The following DENND1A variants were observed in gnomAD, a reference collection of about 807,000 sequenced individuals.
The protein encoded by DENND1A is DENN domain-containing protein 1A.
Under a neutral mutation model 113.7 loss-of-function variants are expected in DENND1A, and 51 were observed. The observed-to-expected ratio is 0.45, with a 90% CI of 0.36 to 0.57. The LOEUF (loss-of-function observed/expected upper bound fraction) is 0.57. Among genes scored for constraint, DENND1A ranks in the 20% least tolerant of loss-of-function variants. DENND1A has a pLI of 0.00. For synonymous variants in DENND1A, 565 were observed against 570.8 expected, an observed-to-expected ratio of 0.99 and a Z score of 0.14; for missense variants, 1,258 against 1,395.9, an observed-to-expected ratio of 0.90 and a Z score of 1.57.
intron 5 of DENND1A, among the ~76,000 whole-genome samples, chr9:123,743,785 C>T (rs79672634): frequency 0.18 from 27,372 of 151,468 alleles, 2,758 homozygotes; most frequent in African/African-American, 0.29. Context: ...AATATATATA[C>T]CTCGTAATCT....
At chr9:123,572,920 T>C (rs1402372547) in intron 12 of DENND1A, among the ~76,000 whole-genome samples, 1 of 152,178 alleles carries the variant, frequency 6.6e-6, no homozygotes, top group Non-Finnish European at 1.5e-5. Context: ...CATTTGATTG[T>C]TTTTGCTTCT....
At chr9:123,804,466 C>G (rs1252506086) in intron 2 of DENND1A, among the ~76,000 whole-genome samples, 1 of 152,208 alleles carries the variant, frequency 6.6e-6, no homozygotes, top group African/African-American at 2.4e-5. Context: ...TTGCTGATCT[C>G]TCCCTATTGA....
intron 18 of DENND1A, 49 bp downstream of exon 18, chr9:123,450,644 T>C (rs1344035282): frequency 6.6e-7 from 1 of 1,525,008 alleles, no homozygotes; most frequent in South Asian, 1.2e-5. Context: ...TTTGTGGCCA[T>C]GCATTTCATA....
chr9:123,444,001 T>C (rs1588558189), intron 18 of DENND1A, among the ~76,000 whole-genome samples: 1 of 152,088 alleles, frequency 6.6e-6, no homozygotes, highest in East Asian at 1.9e-4. Context: ...CTGTTCTATC[T>C]CCTGGTAGAG....
chr9:123,866,741 T>G (rs1455431702), intron 2 of DENND1A, among the ~76,000 whole-genome samples: 1 of 152,194 alleles, frequency 6.6e-6, no homozygotes, highest in Non-Finnish European at 1.5e-5. Context: ...ATCTCTAATT[T>G]ACAAAACAAC....
chr9:123,799,477 G>C lies in DENND1A; in HGVS notation c.89-6847C>G, dbSNP rs190668249. ...TAAACAAGCAGGTACCATGGGGCTT[G>C]GTAAGTGTGATACTAGGAGTTAATC... On this transcript the variant is annotated intron_variant, in intron 2 of 23. Coordinates refer to ENST00000394215, the MANE Select transcript of DENND1A (RefSeq NM_001352964.2). Among the ~76,000 whole-genome samples the C allele has an allele frequency of 3.2e-3, 489 of 152,272 alleles. 1 individual carries two copies. The highest frequency in any genetic ancestry group is 5.4e-3 in the Non-Finnish European group (367 of 68,028).
intron 10 of DENND1A, among the ~76,000 whole-genome samples, chr9:123,614,118 G>A (rs1201124975): frequency 2.6e-5 from 4 of 152,140 alleles, no homozygotes; most frequent in Non-Finnish European, 4.4e-5. Context: ...AAGGTGGTGC[G>A]ATCATCCATA....
intron 13 of DENND1A, among the ~76,000 whole-genome samples, chr9:123,543,065 T>C (rs1261708376): frequency 6.6e-6 from 1 of 152,200 alleles, no homozygotes; most frequent in African/African-American, 2.4e-5. Context: ...GGACCACCTG[T>C]TGGCCCCAAA....
At chr9:123,409,065 C>G (rs1284613006) in intron 20 of DENND1A, among the ~76,000 whole-genome samples, 1 of 152,188 alleles carries the variant, frequency 6.6e-6, no homozygotes, top group African/African-American at 2.4e-5. Flanking sequence ...GGCCTGTCAT[C>G]ATCCCTGTGG....
chr9:123,434,309 G>A (rs1018409029), intron 19 of DENND1A, among the ~76,000 whole-genome samples: 20 of 152,208 alleles, frequency 1.3e-4, no homozygotes, highest in Admixed American at 1.3e-3. Context: ...TTACAGGCGT[G>A]AGCCACCATG....
At chr9:123,837,518 T>G (rs994280775) in intron 2 of DENND1A, among the ~76,000 whole-genome samples, 4 of 152,194 alleles carry the variant, frequency 2.6e-5, no homozygotes, top group African/African-American at 9.7e-5. Context: ...AAAATTACTG[T>G]TCAACCAGAT....
At chr9:123,842,480 G>T (rs996628296) in intron 2 of DENND1A, among the ~76,000 whole-genome samples, 1 of 151,626 alleles carries the variant, frequency 6.6e-6, no homozygotes, top group Non-Finnish European at 1.5e-5. Context: ...AAAAAAAAAA[G>T]AGAGAGAGAG....
rs553224592 is a variant in DENND1A, at chr9:123,803,677, T to A, written c.89-11047A>T. ...ATCCTCCTGTTTTATTCATTTTACC[T>A]CTCTATAGGATCTTTCCCATCAGCA... On this transcript the variant is annotated intron_variant, in intron 2 of 23. Transcript: ENST00000394215. Among the ~76,000 whole-genome samples, 56 of 152,314 alleles carry A rather than the reference T, an allele frequency of 3.7e-4. No homozygotes were observed. In the Middle Eastern group the frequency reaches 0.01, roughly 28 times the overall value.
chr9:123,642,145 T>C (rs907776384), intron 9 of DENND1A, among the ~76,000 whole-genome samples: 6 of 152,230 alleles, frequency 3.9e-5, no homozygotes, highest in Non-Finnish European at 8.8e-5. Flanking sequence ...TCAAGGTTCT[T>C]CATTCCAATT....
intron 1 of DENND1A, among the ~76,000 whole-genome samples, chr9:123,885,809 T>A (rs1278957230): frequency 1.3e-5 from 2 of 152,190 alleles, no homozygotes; most frequent in Non-Finnish European, 2.9e-5. Context: ...CGAGATAGTC[T>A]CACTCTGTTG....
intron 5 of DENND1A, among the ~76,000 whole-genome samples, chr9:123,726,023 T>C (rs1160622383): frequency 2.0e-5 from 3 of 152,240 alleles, no homozygotes; most frequent in Non-Finnish European, 4.4e-5. Context: ...TTACTGGGCA[T>C]TAGTGAATGC....
At chr9:123,488,669 A>G (rs2133921112) in intron 13 of DENND1A, among the ~76,000 whole-genome samples, 2 of 152,296 alleles carry the variant, frequency 1.3e-5, no homozygotes, top group Middle Eastern at 3.4e-3. Flanking sequence ...CTGGACATGA[A>G]CCTCAAATCT....
intron 5 of DENND1A, among the ~76,000 whole-genome samples, chr9:123,700,837 C>T (rs1470743843): frequency 6.6e-6 from 1 of 152,194 alleles, no homozygotes; most frequent in African/African-American, 2.4e-5. Context: ...TTGAATCCAT[C>T]AGCCTGGTAT....
intron 2 of DENND1A, among the ~76,000 whole-genome samples, chr9:123,854,309 C>T (rs968984210): frequency 6.6e-6 from 1 of 152,098 alleles, no homozygotes; most frequent in African/African-American, 2.4e-5. Flanking sequence ...TTGTAAAGAA[C>T]GTCTACATGT....
Sources: allele counts gnomAD v4.1 joint callset (sites outside exome capture counted in the v4.1 genomes callset), GRCh38; gene constraint gnomAD v4.1.1; transcripts MANE v1.5; gene names NCBI Gene and HGNC (gene_info 2026-07-23, HGNC 2026-07-21).